AEN: variants seen among roughly 807,000 people sequenced by gnomAD.
AEN encodes apoptosis enhancing nuclease.
In AEN, 21 loss-of-function variants were observed where a neutral mutation model predicts 17.7. That is an observed-to-expected ratio of 1.19 (90% CI 0.84 to 1.71). AEN has a LOEUF of 1.71. Ranked by LOEUF, AEN falls within the 40% of genes most tolerant of loss-of-function variation. The probability of loss-of-function intolerance (pLI) is 0.00; values close to 1 mark genes in which losing one functional copy is unlikely to be tolerated. For synonymous variants in AEN, 190 were observed against 173.0 expected (o/e 1.10, Z -0.77); for missense variants, 462 against 435.9 (o/e 1.06, Z -0.53).
rs956885158 is a variant in AEN, at chr15:88,630,637, G to C, written c.*343G>C. 1.9e-5 allele frequency: 6 copies of C among 318,304 alleles called. No individual in the cohort carries two copies. The highest frequency in any genetic ancestry group is 6.6e-5 in the East Asian group (1 of 15,160). 19.7% of individuals were successfully genotyped at this position (318,304 alleles called of 1,614,324 possible). A position where few individuals can be genotyped will look rare whatever the true frequency, so the allele number is the denominator to read the frequency against. On this transcript the variant is annotated 3_prime_UTR_variant, in exon 4 of 4. Transcript: ENST00000332810. This position sits in a 1 kb window ranked among gnomAD's most constrained non-coding sequence, Gnocchi z 5.1. ...TTGCCGTGGCCTTCCCCACCCCCCA[G>C]ATCTCCTGAGTCATCATGCTGTGCT...
the AEN span, among the ~76,000 whole-genome samples, chr15:88,610,509 ACTT>A: frequency 2.0e-5 from 3 of 152,050 alleles, no homozygotes; most frequent in African/African-American, 7.3e-5. Context: ...CCACAAAAGA[ACTT>A]CTTGGTTTTT....
upstream of AEN, among the ~76,000 whole-genome samples, chr15:88,620,893 C>G (rs1303686814): frequency 6.6e-6 from 1 of 152,176 alleles, no homozygotes; most frequent in East Asian, 1.9e-4. Context: ...ACCTGACTTT[C>G]AAAGTCTCTC....
chr15:88,615,581 A>T, the AEN span, among the ~76,000 whole-genome samples: 1 of 152,118 alleles, frequency 6.6e-6, no homozygotes, highest in African/African-American at 2.4e-5. Flanking sequence ...GGCATGCCTC[A>T]GGATTAGCTA....
the AEN span, among the ~76,000 whole-genome samples, chr15:88,610,314 T>TTC: frequency 6.6e-6 from 1 of 151,662 alleles, no homozygotes; most frequent in African/African-American, 2.4e-5. Context: ...GCTATTTTTT[T>TTC]TTTTTTTTTG....
At chr15:88,617,461 C>T (rs948050329), upstream of AEN, among the ~76,000 whole-genome samples, 1 of 152,192 alleles carries the variant, frequency 6.6e-6, no homozygotes, top group Non-Finnish European at 1.5e-5. Context: ...CCATGTTGGC[C>T]AGGCTGGTCT....
the AEN span, among the ~76,000 whole-genome samples, chr15:88,609,275 G>C: frequency 6.6e-6 from 1 of 152,202 alleles, no homozygotes; most frequent in Non-Finnish European, 1.5e-5. Context: ...CTCAAACTCA[G>C]TTGTGCTTAA....
the AEN span, among the ~76,000 whole-genome samples, chr15:88,605,451 C>T: frequency 6.6e-6 from 1 of 152,224 alleles, no homozygotes; most frequent in Non-Finnish European, 1.5e-5. This position sits in a 1 kb window ranked among gnomAD's most constrained non-coding sequence, Gnocchi z 7.6. Context: ...TTTGCTTTGC[C>T]TGCCACCAGA....
the AEN span, among the ~76,000 whole-genome samples, chr15:88,613,586 C>G: frequency 0.3 from 42,851 of 140,916 alleles, 6,785 homozygotes; most frequent in African/African-American, 0.41. Flanking sequence ...ACAAGCATCT[C>G]GGGGGGGGAT....
At chr15:88,605,301 C>G in the AEN span, among the ~76,000 whole-genome samples, 1 of 152,202 alleles carries the variant, frequency 6.6e-6, no homozygotes, top group Non-Finnish European at 1.5e-5. This position sits in a 1 kb window ranked among gnomAD's most constrained non-coding sequence, Gnocchi z 7.6. Flanking sequence ...CCCACAGCCT[C>G]GCGGGAGCCG....
chr15:88,610,523 C>A, the AEN span, among the ~76,000 whole-genome samples: 1 of 152,080 alleles, frequency 6.6e-6, no homozygotes, highest in Non-Finnish European at 1.5e-5. Flanking sequence ...CTTGGTTTTT[C>A]TCAGACCCAT....
the AEN span, among the ~76,000 whole-genome samples, chr15:88,613,729 G>A: frequency 6.6e-5 from 10 of 152,194 alleles, no homozygotes; most frequent in African/African-American, 2.4e-4. Flanking sequence ...GTGACTTTGA[G>A]TCAGTCACTT....
the AEN span, chr15:88,611,940 G>A: frequency 2.0e-6 from 1 of 497,076 alleles, no homozygotes; most frequent in South Asian, 1.5e-5. Flanking sequence ...TCGCAGCGGG[G>A]TGCAGGAAAT....
rs747654696 is a variant in AEN, at chr15:88,631,555, C to T, written c.*1261C>T. The stretch of plus-strand genomic sequence containing the variant: ...CATCTGTAAAGTGGGGATAGTGGTA[C>T]GGCCTACCTCATAGGGTTGTAATGA... On this transcript the variant is annotated 3_prime_UTR_variant, in exon 4 of 4. Transcript: ENST00000332810. 1.4e-3 allele frequency: 259 copies of T among 183,748 alleles called. No individual in the cohort carries two copies. Among genetic ancestry groups the T allele is most frequent in the Non-Finnish European group, 2.7e-3 (233 of 84,908 alleles). The allele number at this position is 183,748 out of a possible 1,614,324, so 11.4% of individuals were successfully genotyped here. A position where few individuals can be genotyped will look rare whatever the true frequency, so the allele number is the denominator to read the frequency against.
intron 2 of AEN, 150 bp from the exon 3 acceptor site, chr15:88,629,076 G>T: frequency 1.3e-6 from 1 of 750,152 alleles, no homozygotes; most frequent in Admixed American, 2.3e-5. Context: ...GGGGCAGCAT[G>T]GTTGACTGTG....
the AEN span, among the ~76,000 whole-genome samples, chr15:88,612,143 C>G: frequency 6.6e-6 from 1 of 152,134 alleles, no homozygotes; most frequent in African/African-American, 2.4e-5. Flanking sequence ...TGCTTCCATA[C>G]CACTACCTGA....
upstream of AEN, among the ~76,000 whole-genome samples, chr15:88,621,032 C>G (rs1180934574): frequency 1.3e-5 from 2 of 152,154 alleles, no homozygotes; most frequent in Admixed American, 1.3e-4. Flanking sequence ...ACCAGGCTTA[C>G]AGGAGCCCAC....
chr15:88,621,911 G>A (rs1596026174), intron 1 of AEN: 1 of 152,282 alleles, frequency 6.6e-6, no homozygotes, highest in South Asian at 2.1e-4. Context: ...CAATTAGGAC[G>A]GTGTGGGAGT....
chr15:88,622,330 T>TA (rs1246340851), intron 1 of AEN, among the ~76,000 whole-genome samples: 2 of 152,242 alleles, frequency 1.3e-5, no homozygotes, highest in African/African-American at 4.8e-5. Context: ...TTCACTGAGC[T>TA]ACATTTGGGT....
upstream of AEN, among the ~76,000 whole-genome samples, chr15:88,619,985 G>A (rs374811292): frequency 1.2e-4 from 18 of 152,246 alleles, no homozygotes; most frequent in African/African-American, 4.1e-4. Context: ...TTTTTCAAAT[G>A]CAGATTCACT....
Sources: allele counts gnomAD v4.1 joint callset (sites outside exome capture counted in the v4.1 genomes callset), GRCh38; gene constraint gnomAD v4.1.1; non-coding constraint Gnocchi (gnomAD v3.1); transcripts MANE v1.5; gene names NCBI Gene and HGNC (gene_info 2026-07-23, HGNC 2026-07-21).